CDH22: variants seen among roughly 807,000 people sequenced by gnomAD.
CDH22 encodes cadherin-22.
A neutral mutation model predicts 58.4 loss-of-function variants in CDH22; 30 were observed. The ratio of observed to expected loss-of-function variants is 0.51; its 90% CI spans 0.38 to 0.70. The LOEUF is 0.70. Ranked by LOEUF, CDH22 falls within the 30% of genes least tolerant of loss-of-function variation. The probability of loss-of-function intolerance (pLI) is 0.00; values close to 1 mark genes in which losing one functional copy is unlikely to be tolerated. For synonymous variants in CDH22, 513 were observed against 558.2 expected (o/e 0.92, Z 1.14); for missense variants, 1,014 against 1,233.9 (o/e 0.82, Z 2.67).
chr20:46,296,261 G>A (rs1218929538), intron 1 of CDH22, among the ~76,000 whole-genome samples: 1 of 152,150 alleles, frequency 6.6e-6, no homozygotes, highest in Non-Finnish European at 1.5e-5. Context: ...TGTAAGGCAG[G>A]GAGGGGCATC....
intron 1 of CDH22, among the ~76,000 whole-genome samples, chr20:46,307,489 C>A (rs1178953263): frequency 2.0e-5 from 3 of 152,210 alleles, no homozygotes; most frequent in African/African-American, 7.2e-5. Context: ...TCGGGGGCCC[C>A]GTCCTTCTTC....
intron 8 of CDH22, among the ~76,000 whole-genome samples, chr20:46,194,147 A>G (rs569386946): frequency 4.3e-4 from 65 of 152,102 alleles, no homozygotes; most frequent in Non-Finnish European, 8.8e-4. Flanking sequence ...GTGTGTTGTC[A>G]CTGACTGTCA....
intron 7 of CDH22, among the ~76,000 whole-genome samples, chr20:46,200,203 T>C (rs2085948417): frequency 6.6e-6 from 1 of 152,008 alleles, no homozygotes; most frequent in Admixed American, 6.5e-5. Context: ...CTTGATCTCC[T>C]GACCTCGTGA....
intron 8 of CDH22, among the ~76,000 whole-genome samples, chr20:46,197,103 A>T (rs1232101985): frequency 1.3e-5 from 2 of 152,056 alleles, no homozygotes; most frequent in African/African-American, 2.4e-5. Context: ...GAGTGCCCAG[A>T]AAAGGGAGGC....
In CDH22 at chr20:46,181,134, G is replaced by T. The variant is rs150918321; in HGVS notation, c.1664-2937C>A. On this transcript the variant is annotated intron_variant, in intron 10 of 11. Transcript: ENST00000537909. ...CTAGGCACCATGCTAGTCGCCATGA[G>T]AAAACAATAGAGAGCTACACCAGCT... Among the ~76,000 whole-genome samples, 7 of 152,238 alleles carry T rather than the reference G, an allele frequency of 4.6e-5. No individual in the cohort carries two copies. In the East Asian group the frequency reaches 1.4e-3, roughly 29 times the overall value.
chr20:46,250,683 A>G (rs1188077730), intron 2 of CDH22, among the ~76,000 whole-genome samples: 1 of 152,226 alleles, frequency 6.6e-6, no homozygotes, highest in Non-Finnish European at 1.5e-5. Context: ...GCTAGACCCC[A>G]GTGCATAGGG....
chr20:46,299,332 C>T (rs191723571), intron 1 of CDH22, among the ~76,000 whole-genome samples: 1 of 152,240 alleles, frequency 6.6e-6, no homozygotes, highest in Non-Finnish European at 1.5e-5. Context: ...CTGCCTCCCC[C>T]ACGAAGCCTC....
rs574688098 is a variant in CDH22, at chr20:46,299,586, C to T, written c.-400+8669G>A. ...AAAACAATAAGGGCACAGTGGCTCACGCCTGTGCGAGACTCCGTCTCAAAA... is the reference window on the plus strand; with the variant it reads ...AAAACAATAAGGGCACAGTGGCTCATGCCTGTGCGAGACTCCGTCTCAAAA... On this transcript the variant is annotated intron_variant, in intron 1 of 11. Transcript: ENST00000537909. 9.2e-5 allele frequency among the ~76,000 whole-genome samples: 14 copies of T among 152,106 alleles called. No individual in the cohort carries two copies. In the East Asian group the frequency reaches 9.7e-4, roughly 11 times the overall value.
intron 1 of CDH22, among the ~76,000 whole-genome samples, chr20:46,291,132 C>A (rs2086600341): frequency 6.6e-6 from 1 of 152,136 alleles, no homozygotes; most frequent in South Asian, 2.1e-4. Flanking sequence ...CAAAAATTAG[C>A]TGGATGTGGT....
At chr20:46,301,264 A>T (rs2086650267) in intron 1 of CDH22, among the ~76,000 whole-genome samples, 1 of 152,042 alleles carries the variant, frequency 6.6e-6, no homozygotes, top group African/African-American at 2.4e-5. Flanking sequence ...TAAATACTTC[A>T]TATGAGCCCC....
chr20:46,250,685 T>G (rs983139308), intron 2 of CDH22, among the ~76,000 whole-genome samples: 2 of 152,174 alleles, frequency 1.3e-5, no homozygotes, highest in Non-Finnish European at 2.9e-5. Flanking sequence ...TAGACCCCAG[T>G]GCATAGGGAG....
chr20:46,203,608 T>A (rs1385176157), intron 7 of CDH22, among the ~76,000 whole-genome samples: 6 of 152,236 alleles, frequency 3.9e-5, no homozygotes. Flanking sequence ...TTGTAAGTTG[T>A]CGGGAGAATG....
intron 11 of CDH22, among the ~76,000 whole-genome samples, chr20:46,177,093 G>A (rs2085746035): frequency 6.6e-6 from 1 of 152,212 alleles, no homozygotes; most frequent in African/African-American, 2.4e-5. Flanking sequence ...ACCTGAGGAG[G>A]TACAGCCTGG....
rs987842446 is a variant in CDH22 at position 46,300,415 on chromosome 20, C to T, written c.-400+7840G>A. Among the ~76,000 whole-genome samples the T allele has an allele frequency of 2.0e-5, 3 of 152,178 alleles. No individual in the cohort carries two copies. Among genetic ancestry groups the T allele is most frequent in the African/African-American group, 7.2e-5 (3 of 41,438 alleles). ...CCTGCTTCTGCTTCCCATCCATCAG[C>T]CTGCCCGGGCCCATCCACCTTATGT... On this transcript the variant is annotated intron_variant, in intron 1 of 11. Transcript: ENST00000537909. The surrounding 1 kb of genome is among the most constrained non-coding windows in gnomAD (Gnocchi z 4.4).
intron 4 of CDH22, among the ~76,000 whole-genome samples, chr20:46,217,248 G>A (rs1239139818): frequency 6.6e-6 from 1 of 151,722 alleles, no homozygotes; most frequent in Non-Finnish European, 1.5e-5. Flanking sequence ...TCACACACAC[G>A]GTCACACAGA....
intron 1 of CDH22, among the ~76,000 whole-genome samples, chr20:46,307,582 G>A (rs1826390772): frequency 6.6e-6 from 1 of 152,184 alleles, no homozygotes; most frequent in Non-Finnish European, 1.5e-5. Flanking sequence ...CCGCCCGACG[G>A]CCATAGGGCA....
chr20:46,192,039 C>T (rs1418745640), intron 8 of CDH22, among the ~76,000 whole-genome samples: 1 of 152,186 alleles, frequency 6.6e-6, no homozygotes, highest in East Asian at 1.9e-4. Context: ...TTTCCATGTG[C>T]CCTTTGCCAT....
At chr20:46,271,344 A>G (rs932573290) in intron 1 of CDH22, among the ~76,000 whole-genome samples, 6 of 152,152 alleles carry the variant, frequency 3.9e-5, no homozygotes, top group African/African-American at 1.2e-4. Flanking sequence ...AGCTTATACT[A>G]TGGATTCTCC....
rs2085980953 is a variant in CDH22, at chr20:46,204,113, G to A, written c.1287-4554C>T. ...CCTTCTCTTAAAAATGGAGATAGTAGGCCGGGCAGGGTGGCTCACACCTAT... is the reference window on the plus strand; with the variant it reads ...CCTTCTCTTAAAAATGGAGATAGTAAGCCGGGCAGGGTGGCTCACACCTAT... On this transcript the variant is annotated intron_variant, in intron 7 of 11. Coordinates refer to ENST00000537909, the MANE Select transcript of CDH22 (RefSeq NM_021248.3). Among the ~76,000 whole-genome samples the A allele has an allele frequency of 2.0e-5, 3 of 152,082 alleles. 1 individual carries two copies. In the South Asian group the frequency reaches 6.2e-4, roughly 32 times the overall value.
Sources: allele counts gnomAD v4.1 joint callset (sites outside exome capture counted in the v4.1 genomes callset), GRCh38; gene constraint gnomAD v4.1.1; non-coding constraint Gnocchi (gnomAD v3.1); transcripts MANE v1.5; gene names NCBI Gene and HGNC (gene_info 2026-07-23, HGNC 2026-07-21).